Variants in THSD7B observed in about 807,000 individuals in gnomAD.
The protein encoded by THSD7B is thrombospondin type 1 domain containing 7B.
A neutral mutation model predicts 213.6 loss-of-function variants in THSD7B; 138 were observed. The ratio of observed to expected loss-of-function variants is 0.65; its 90% CI spans 0.56 to 0.74. THSD7B has a LOEUF of 0.74. Among genes scored for constraint, THSD7B ranks in the 30% least tolerant of loss-of-function variants. The probability of loss-of-function intolerance (pLI) is 0.00; values close to 1 mark genes in which losing one functional copy is unlikely to be tolerated. For synonymous variants in THSD7B, 742 were observed against 687.0 expected (o/e 1.08, Z -1.25); for missense variants, 1,931 against 1,991.5 (o/e 0.97, Z 0.58).
At chr2:136,912,321 CAAA>C (rs1159184476) in intron 2 of THSD7B, among the ~76,000 whole-genome samples, 49 of 55,806 alleles carry the variant, frequency 8.8e-4, no homozygotes, top group African/African-American at 4.2e-3. Context: ...GACTCCATCT[CAAA>C]AAAAAAAAAA....
intron 2 of THSD7B, among the ~76,000 whole-genome samples, chr2:137,023,663 T>A (rs1254686898): frequency 6.6e-6 from 1 of 152,104 alleles, no homozygotes; most frequent in African/African-American, 2.4e-5. Context: ...GGAAAATGGT[T>A]AGTTAAGAAA....
intron 1 of THSD7B, among the ~76,000 whole-genome samples, chr2:136,782,966 A>G (rs1681770560): frequency 6.6e-6 from 1 of 152,244 alleles, no homozygotes; most frequent in South Asian, 2.1e-4. Flanking sequence ...ATTATGCTCA[A>G]ATTGTTCCCT....
chr2:137,240,012 T>G (rs1681865609), intron 9 of THSD7B, among the ~76,000 whole-genome samples: 1 of 152,160 alleles, frequency 6.6e-6, no homozygotes, highest in African/African-American at 2.4e-5. Flanking sequence ...TCATGAGAGC[T>G]CCAACCTCAT....
At chr2:137,444,213 T>G (rs78130668) in intron 14 of THSD7B, among the ~76,000 whole-genome samples, 303 of 152,128 alleles carry the variant, frequency 2.0e-3, no homozygotes, top group African/African-American at 7.0e-3. Flanking sequence ...TTTTCATGAA[T>G]GGTATTTCCA....
At chr2:136,815,978 G>T (rs1231363832) in intron 1 of THSD7B, among the ~76,000 whole-genome samples, 1 of 152,100 alleles carries the variant, frequency 6.6e-6, no homozygotes, top group Non-Finnish European at 1.5e-5. Flanking sequence ...TCTGCCTCCT[G>T]GGCTCAAGTG....
intron 15 of THSD7B, among the ~76,000 whole-genome samples, chr2:137,542,089 T>A (rs901380507): frequency 6.6e-6 from 1 of 151,642 alleles, no homozygotes; most frequent in African/African-American, 2.4e-5. Flanking sequence ...TGAAAAAATA[T>A]AAATTCAGAA....
chr2:137,444,058 A>G (rs985087616), intron 14 of THSD7B, among the ~76,000 whole-genome samples: 6 of 152,086 alleles, frequency 3.9e-5, no homozygotes, highest in African/African-American at 1.4e-4. Flanking sequence ...TTCTACTGGT[A>G]GACAGTACTT....
At chr2:137,573,691 G>A (rs556436117) in intron 17 of THSD7B, among the ~76,000 whole-genome samples, 4 of 152,094 alleles carry the variant, frequency 2.6e-5, no homozygotes, top group African/African-American at 7.2e-5. Flanking sequence ...ATTCCCTTTA[G>A]TACTCGTACT....
intron 12 of THSD7B, among the ~76,000 whole-genome samples, chr2:137,358,662 T>A (rs943684974): frequency 4.8e-4 from 73 of 152,228 alleles, no homozygotes; most frequent in African/African-American, 1.6e-3. Flanking sequence ...TTTTTAGAGG[T>A]TCCAGAGAAG....
At chr2:137,363,136 A>G (rs1402234095) in intron 12 of THSD7B, among the ~76,000 whole-genome samples, 3 of 152,192 alleles carry the variant, frequency 2.0e-5, no homozygotes, top group South Asian at 2.1e-4. Flanking sequence ...CTGAATGACT[A>G]CTGGGTAAAT....
chr2:136,961,955 T>C (rs1685227191), intron 2 of THSD7B, among the ~76,000 whole-genome samples: 2 of 152,148 alleles, frequency 1.3e-5, no homozygotes, highest in African/African-American at 4.8e-5. Flanking sequence ...GATGTATGAG[T>C]ATGCTAGTTT....
intron 27 of THSD7B, among the ~76,000 whole-genome samples, chr2:137,673,006 C>A (rs1402734986): frequency 6.6e-6 from 1 of 152,220 alleles, no homozygotes; most frequent in East Asian, 1.9e-4. Flanking sequence ...TGGCCCAGCA[C>A]AGTTCTGTAA....
intron 7 of THSD7B, among the ~76,000 whole-genome samples, chr2:137,182,194 A>G (rs1413859061): frequency 1.3e-5 from 2 of 152,198 alleles, no homozygotes; most frequent in African/African-American, 4.8e-5. Context: ...GCATATGGGC[A>G]TTTGTTTATT....
chr2:137,275,963 G>C lies in THSD7B; in HGVS notation c.2437G>C (p.Glu813Gln). The C allele has an allele frequency of 6.2e-7, 1 of 1,612,352 alleles. No homozygotes were observed. The highest frequency in any genetic ancestry group is 2.2e-5 in the East Asian group (1 of 44,830). Reference sequence around the variant, plus strand: ...ATGGAGCCCTTGCATCTTAGTGCCAGAGTCTGTCTGGCAGGGAATAACGGG... The same window carrying C: ...ATGGAGCCCTTGCATCTTAGTGCCACAGTCTGTCTGGCAGGGAATAACGGG... ...QKWSPCILVPESVWQGITGSS... is the reference protein window; with the variant it reads ...QKWSPCILVPQSVWQGITGSS... Residue 813 changes from glutamate to glutamine, a missense_variant, in exon 12 of 28, where the codon GAG (glutamate) becomes CAG (glutamine). Coordinates refer to ENST00000409968, the MANE Select transcript of THSD7B (RefSeq NM_001316349.2).
At chr2:137,400,236 C>G (rs186378100) in intron 12 of THSD7B, among the ~76,000 whole-genome samples, 1 of 151,990 alleles carries the variant, frequency 6.6e-6, no homozygotes, top group East Asian at 1.9e-4. Flanking sequence ...TTCTTTTTAG[C>G]TAGCATCTAT....
At chr2:137,538,496 T>G in intron 15 of THSD7B, 1 of 517,942 alleles carries the variant, frequency 1.9e-6, no homozygotes. Context: ...AAGGCTCAGG[T>G]TGGTGTTGCA....
At chr2:137,433,137 C>G (rs1352021018) in intron 14 of THSD7B, among the ~76,000 whole-genome samples, 2 of 151,868 alleles carry the variant, frequency 1.3e-5, no homozygotes, top group African/African-American at 4.8e-5. Flanking sequence ...TCAAATAGCC[C>G]TAAGTGCAAA....
chr2:137,531,181 C>T (rs371947899), intron 15 of THSD7B, among the ~76,000 whole-genome samples: 3 of 151,952 alleles, frequency 2.0e-5, no homozygotes, highest in Admixed American at 6.6e-5. Context: ...TTGTAAGGCA[C>T]ACACGCTGCT....
intron 17 of THSD7B, among the ~76,000 whole-genome samples, chr2:137,608,628 G>A (rs941305144): frequency 2.6e-5 from 4 of 152,194 alleles, no homozygotes; most frequent in Admixed American, 2.6e-4. Context: ...TTCTAGGTAT[G>A]TATTGACATT....
Sources: allele counts gnomAD v4.1 joint callset (sites outside exome capture counted in the v4.1 genomes callset), GRCh38; gene constraint gnomAD v4.1.1; transcripts MANE v1.5; gene names NCBI Gene and HGNC (gene_info 2026-07-23, HGNC 2026-07-21).